GLA: variants seen among roughly 807,000 people sequenced by gnomAD.
The protein encoded by GLA is galactosidase alpha.
In GLA, 4 loss-of-function variants were observed where a neutral mutation model predicts 28.2. That is an observed-to-expected ratio of 0.14 (90% CI 0.07 to 0.32). The LOEUF (loss-of-function observed/expected upper bound fraction) is 0.32. Ranked by LOEUF, GLA falls within the 10% of genes least tolerant of loss-of-function variation. The pLI is 1.00. For synonymous variants in GLA, 94 were observed against 113.0 expected, an observed-to-expected ratio of 0.83 and a Z score of 1.07; for missense variants, 203 against 323.7, an observed-to-expected ratio of 0.63 and a Z score of 2.86.
At chrX:101,406,040 TA>T (rs34454314) in intron 1 of GLA, among the ~76,000 whole-genome samples, 489 of 42,545 alleles carry the variant, frequency 0.011, 3 homozygotes, top group Non-Finnish European at 0.017. Flanking sequence ...CCGTCTGTAC[TA>T]AAAAAAAAAA....
chrX:101,401,322 G>C, intron 3 of GLA: 1 of 328,210 alleles, frequency 3.0e-6, no homozygotes, highest in Non-Finnish European at 5.4e-6. Context: ...TTCTTTCTCT[G>C]TGACCGATTG....
intron 4 of GLA, 91 bp from the exon 5 acceptor site, chrX:101,399,037 T>C (rs1250377063): frequency 1.2e-5 from 10 of 807,917 alleles, no homozygotes; most frequent in Non-Finnish European, 1.7e-5. Context: ...TAGCCTTCTC[T>C]TGAGTTTACA....
chrX:101,407,650 CCCCAAACACA>C (rs1928574211), intron 1 of GLA, 50 bp downstream of exon 1: 2 of 1,068,806 alleles, frequency 1.9e-6, no homozygotes, highest in African/African-American at 1.8e-5. Context: ...CTCTCCAGTT[CCCCAAACACA>C]CCCAAACACA....
intron 1 of GLA, among the ~76,000 whole-genome samples, chrX:101,404,599 T>G: frequency 1.1e-5 from 1 of 91,862 alleles, no homozygotes; most frequent in African/African-American, 4.4e-5. Flanking sequence ...AGATGGAGTC[T>G]CCCTCTGTCA....
At chrX:101,402,549 G>A (rs782537120) in intron 2 of GLA, among the ~76,000 whole-genome samples, 184 of 111,776 alleles carry the variant, frequency 1.6e-3, no homozygotes, top group Non-Finnish European at 2.7e-3. Flanking sequence ...CGGATTACAA[G>A]GTCAGGAGTT....
chrX:101,400,704 A>C lies in GLA; in HGVS notation c.601T>G (p.Ser201Ala), dbSNP rs782164447. 3.4e-6 allele frequency: 4 copies of C among 1,192,623 alleles called. No homozygotes were observed. The East Asian group carries it at 1.2e-4, about 35-fold the overall frequency. ...LNRTGRSIVY[S>A]CEWPLYMWPF... ...CACATATAAAGAGGCCACTCACAGG[A>C]GTACACAATGCTTCTGCCAGTCCTA... Residue 201 changes from serine to alanine, a missense_variant, in exon 4 of 7, where the codon TCC (serine) becomes GCC (alanine). Around this residue, in one of 3 missense-constraint regions of GLA, gnomAD observed 162 missense variants for 246.8 expected, o/e 0.66. Transcript: ENST00000218516.
intron 1 of GLA, among the ~76,000 whole-genome samples, chrX:101,406,811 C>T (rs782173380): frequency 1.8e-4 from 20 of 112,686 alleles, no homozygotes; most frequent in Non-Finnish European, 3.6e-4. Context: ...CAGAAAAATA[C>T]ACATATTCAT....
chrX:101,406,085 G>A (rs1261295786), intron 1 of GLA, among the ~76,000 whole-genome samples: 21 of 99,879 alleles, frequency 2.1e-4, no homozygotes, highest in African/African-American at 6.7e-4. Context: ...GGTGGCAGGC[G>A]CCTGTAGTCC....
At chrX:101,400,310 G>A (rs1928260455) in intron 4 of GLA, among the ~76,000 whole-genome samples, 1 of 111,316 alleles carries the variant, frequency 9.0e-6, no homozygotes, top group South Asian at 3.8e-4. Flanking sequence ...GAGAGATCAG[G>A]TGGTCCCAGC....
Position 101,407,231 on chromosome X carries a change from C to T in GLA, c.194+479G>A, listed in dbSNP as rs3027586. On this transcript the variant is annotated intron_variant, in intron 1 of 6. Coordinates refer to ENST00000218516, the MANE Select transcript of GLA (RefSeq NM_000169.3). Reference sequence around the variant, plus strand: ...GACCCCAAAAGGAGAAAAAATGGCACGAATCTTAGTTCCCCATTCCTCCTA... The same window carrying T: ...GACCCCAAAAGGAGAAAAAATGGCATGAATCTTAGTTCCCCATTCCTCCTA... Among the ~76,000 whole-genome samples, 161 of 111,382 alleles carry T rather than the reference C, an allele frequency of 1.4e-3. 4 individuals are homozygous for T. In the East Asian group the frequency reaches 0.034, roughly 24 times the overall value.
chrX:101,407,788 G>T lies in GLA; in HGVS notation c.116C>A (p.Thr39Lys). 8.3e-7 allele frequency: 1 copy of T among 1,211,028 alleles called. No individual in the cohort carries two copies. Among genetic ancestry groups the T allele is most frequent in the South Asian group, 1.8e-5 (1 of 56,977 alleles). Residue 39 changes from threonine to lysine, a missense_variant, in exon 1 of 7, where the codon ACG (threonine) becomes AAG (lysine). Transcript: ENST00000218516. ...CCAGTGCAGCCAGCCCATGGTAGGC[G>T]TCCTTGCCAATCCATTGTCCAGTGC... Reference protein sequence around the residue: ...ARALDNGLARTPTMGWLHWER... With the variant: ...ARALDNGLARKPTMGWLHWER...
chrX:101,399,457 G>A (rs1928218791), intron 4 of GLA, among the ~76,000 whole-genome samples: 1 of 112,031 alleles, frequency 8.9e-6, no homozygotes, highest in Non-Finnish European at 1.9e-5. Context: ...CCCAGCTACT[G>A]GGAGGCTGAG....
In GLA at chrX:101,397,914, C is replaced by T. The variant is rs1555984773; in HGVS notation, c.1185G>A (p.Gly395=). The stretch of plus-strand genomic sequence containing the variant: ...TTAACCTTGAAGTCCATTCATAGAA[C>T]CCTAGCTTCCTTTTCACAGGGAGGA... The part of the protein sequence containing the change: ...TQLLPVKRKL[G]FYEWTSRLRS... Residue 395 remains glycine, a synonymous_variant, in exon 7 of 7, where the codon GGG becomes GGA. Coordinates refer to ENST00000218516, the MANE Select transcript of GLA (RefSeq NM_000169.3). 8.3e-7 allele frequency: 1 copy of T among 1,208,632 alleles called. No homozygotes were observed. Among genetic ancestry groups the T allele is most frequent in the African/African-American group, 1.7e-5 (1 of 57,382 alleles).
At chrX:101,400,185 ACT>A (rs1265860208) in intron 4 of GLA, among the ~76,000 whole-genome samples, 5 of 108,348 alleles carry the variant, frequency 4.6e-5, no homozygotes, top group South Asian at 4.0e-4. Flanking sequence ...ATTTTTTATA[ACT>A]CTGTTAAGTC....
chrX:101,404,301 C>T (rs1244567372), intron 1 of GLA, among the ~76,000 whole-genome samples: 3 of 111,534 alleles, frequency 2.7e-5, no homozygotes, highest in Non-Finnish European at 5.6e-5. Context: ...CAACAGATAT[C>T]AACAATAATC....
chrX:101,404,943 A>G (rs1928448455), intron 1 of GLA, among the ~76,000 whole-genome samples: 1 of 110,719 alleles, frequency 9.0e-6, no homozygotes, highest in Admixed American at 9.5e-5. Flanking sequence ...ATGTACATTC[A>G]TTAAAAGATG....
At position 101,397,928 on chromosome X, in the gene GLA, T is replaced by C. The variant is rs1928122706; in HGVS notation, c.1171A>G (p.Lys391Glu). 8.3e-7 allele frequency: 1 copy of C among 1,211,477 alleles called. No homozygotes were observed. The highest frequency in any genetic ancestry group is 3.0e-5 in the East Asian group (1 of 33,880). ...ACFITQLLPVKRKLGFYEWTS... is the reference protein window; with the variant it reads ...ACFITQLLPVERKLGFYEWTS... ...CATTCATAGAACCCTAGCTTCCTTTTCACAGGGAGGAGCTGTGTGATGAAG... is the reference window on the plus strand; with the variant it reads ...CATTCATAGAACCCTAGCTTCCTTTCCACAGGGAGGAGCTGTGTGATGAAG... Residue 391 changes from lysine to glutamate, a missense_variant, in exon 7 of 7, where the codon AAA becomes GAA. Lys to Glu is a moderately conservative substitution (Grantham distance 56). Coordinates refer to ENST00000218516, the MANE Select transcript of GLA (RefSeq NM_000169.3).
intron 2 of GLA, among the ~76,000 whole-genome samples, chrX:101,402,387 C>T (rs1555985961): frequency 8.9e-6 from 1 of 112,122 alleles, no homozygotes; most frequent in Non-Finnish European, 1.9e-5. Context: ...TCAATCTGCT[C>T]ATTGGCTATA....
At chrX:101,406,211 CAAAA>C (rs781880952) in intron 1 of GLA, among the ~76,000 whole-genome samples, 4 of 35,682 alleles carry the variant, frequency 1.1e-4, no homozygotes, top group African/African-American at 3.9e-4. Flanking sequence ...GACCCCGTCT[CAAAA>C]AAAAAAAAAA....
Sources: gnomAD v4.1 joint callset for allele counts (sites outside exome capture counted in the v4.1 genomes callset) on GRCh38, gnomAD v4.1.1 for gene constraint, gnomAD v4.1.1 regional missense constraint, MANE v1.5 for transcripts, NCBI Gene and HGNC (gene_info 2026-07-23, HGNC 2026-07-21) for gene names.